Variants in PDE9A observed in about 807,000 individuals in gnomAD.
The protein encoded by PDE9A is high affinity cGMP-specific 3',5'-cyclic phosphodiesterase 9A.
A neutral mutation model predicts 87.4 loss-of-function variants in PDE9A; 60 were observed. The ratio of observed to expected loss-of-function variants is 0.69; its 90% CI spans 0.56 to 0.85. PDE9A has a LOEUF of 0.85. Ranked by LOEUF, PDE9A falls within the 40% of genes least tolerant of loss-of-function variation. The probability of loss-of-function intolerance (pLI) is 0.00; values close to 1 mark genes in which losing one functional copy is unlikely to be tolerated. For synonymous variants in PDE9A, 272 were observed against 279.4 expected (o/e 0.97, Z 0.27); for missense variants, 665 against 779.0 (o/e 0.85, Z 1.74).
chr21:42,754,530 T>C (rs886243878), intron 10 of PDE9A, among the ~76,000 whole-genome samples: 5 of 152,256 alleles, frequency 3.3e-5, no homozygotes, highest in Non-Finnish European at 7.3e-5. Flanking sequence ...TAAGTGGACA[T>C]GTGGGATTCC....
intron 1 of PDE9A, among the ~76,000 whole-genome samples, chr21:42,664,237 G>A (rs778053187): frequency 4.6e-5 from 7 of 152,260 alleles, no homozygotes; most frequent in African/African-American, 7.2e-5. Flanking sequence ...GTTCGGCTCA[G>A]TGGGCAATGG....
intron 4 of PDE9A, among the ~76,000 whole-genome samples, chr21:42,707,214 C>T (rs2048916426): frequency 1.3e-5 from 2 of 152,160 alleles, no homozygotes; most frequent in Non-Finnish European, 2.9e-5. Context: ...AGGGGAGGGC[C>T]TGAGAGAAGT....
At chr21:42,733,747 TG>T (rs1361265695) in intron 7 of PDE9A, 1 of 348,052 alleles carries the variant, frequency 2.9e-6, no homozygotes, top group Non-Finnish European at 5.3e-6. Flanking sequence ...TGTCTTTTTG[TG>T]TGTAAATGAA....
At chr21:42,740,485 T>C (rs1261257803) in intron 7 of PDE9A, among the ~76,000 whole-genome samples, 1 of 150,382 alleles carries the variant, frequency 6.6e-6, no homozygotes, top group Non-Finnish European at 1.5e-5. Flanking sequence ...GGTAGATACA[T>C]AGAATGGGTG....
intron 10 of PDE9A, chr21:42,757,881 C>T (rs986627078): frequency 6.6e-6 from 1 of 152,318 alleles, no homozygotes; most frequent in Non-Finnish European, 1.5e-5. Context: ...GGCCCCGTCT[C>T]CAAATAGCCC....
intron 1 of PDE9A, among the ~76,000 whole-genome samples, chr21:42,677,004 A>G (rs2058878529): frequency 1.3e-5 from 2 of 152,168 alleles, no homozygotes; most frequent in African/African-American, 2.4e-5. Context: ...CTCATTAACC[A>G]GCTGCCCTTG....
In PDE9A at chr21:42,653,746, C is replaced by A. The variant is rs914471938; in HGVS notation, c.-69C>A. On this transcript the variant is annotated 5_prime_UTR_variant, in exon 1 of 20. Coordinates refer to ENST00000291539, the MANE Select transcript of PDE9A (RefSeq NM_002606.3). The stretch of plus-strand genomic sequence containing the variant: ...CCCGCCCCCTCCCCTGCTCCCCTCC[C>A]CCGCCTCCCGCGGCGGCTGGCGTCG... The A allele has an allele frequency of 1.1e-4, 93 of 877,862 alleles. No homozygotes were observed. The African/African-American group carries it at 1.5e-3, about 14-fold the overall frequency. The allele number at this position is 877,862 out of a possible 1,614,324, so 54.4% of individuals were successfully genotyped here. A position where few individuals can be genotyped will look rare whatever the true frequency, so the allele number is the denominator to read the frequency against.
At chr21:42,754,399 C>T (rs537344463) in intron 10 of PDE9A, among the ~76,000 whole-genome samples, 14 of 152,128 alleles carry the variant, frequency 9.2e-5, no homozygotes, top group Admixed American at 2.0e-4. Flanking sequence ...GTGGCAGCCC[C>T]GTGCTGCAGA....
At chr21:42,684,005 C>T (rs1346483774) in intron 1 of PDE9A, among the ~76,000 whole-genome samples, 1 of 152,208 alleles carries the variant, frequency 6.6e-6, no homozygotes, top group African/African-American at 2.4e-5. Flanking sequence ...CAGGACCACC[C>T]CGCTCATCTG....
At chr21:42,701,556 C>T (rs1466101420) in intron 4 of PDE9A, among the ~76,000 whole-genome samples, 4 of 152,104 alleles carry the variant, frequency 2.6e-5, no homozygotes, top group East Asian at 1.9e-4. Flanking sequence ...CCCTCCTCAG[C>T]CTCCCAAGTA....
chr21:42,680,790 T>C (rs1206736300), intron 1 of PDE9A, among the ~76,000 whole-genome samples: 1 of 152,188 alleles, frequency 6.6e-6, no homozygotes, highest in African/African-American at 2.4e-5. Flanking sequence ...TTCCCGCCTT[T>C]CTGAAGGTCA....
Position 42,653,885 on chromosome 21 carries a change from T to C in PDE9A, c.69+2T>C. Reference sequence around the variant, plus strand: ...GACATCGATGGACGCATTCAGAAGGTAGCCCCTCCCCCACCCAGACACCCC... The same window carrying C: ...GACATCGATGGACGCATTCAGAAGGCAGCCCCTCCCCCACCCAGACACCCC... On this transcript the variant is annotated splice_donor_variant, in intron 1 of 19. Transcript: ENST00000291539. LOFTEE classifies it high-confidence loss of function. The C allele has an allele frequency of 6.5e-7, 1 of 1,534,144 alleles. No individual in the cohort carries two copies. The highest frequency in any genetic ancestry group is 8.8e-7 in the Non-Finnish European group (1 of 1,133,382).
chr21:42,670,481 C>G (rs2058459920), intron 1 of PDE9A, among the ~76,000 whole-genome samples: 1 of 151,118 alleles, frequency 6.6e-6, no homozygotes. Context: ...GACTTACACA[C>G]ATACACTTAC....
intron 17 of PDE9A, among the ~76,000 whole-genome samples, chr21:42,769,829 G>A (rs1029462090): frequency 1.3e-5 from 2 of 152,006 alleles, no homozygotes; most frequent in East Asian, 1.9e-4. Context: ...CCTCTTCCCC[G>A]GCTGTCGTGG....
At chr21:42,731,020 C>T (rs1255167445) in intron 4 of PDE9A, among the ~76,000 whole-genome samples, 3 of 152,172 alleles carry the variant, frequency 2.0e-5, no homozygotes, top group African/African-American at 4.8e-5. Flanking sequence ...TGCAATGGCA[C>T]GATCTCAGCT....
chr21:42,727,487 C>CTCTT (rs778143956), intron 4 of PDE9A, among the ~76,000 whole-genome samples: 2 of 71,992 alleles, frequency 2.8e-5, no homozygotes, highest in Non-Finnish European at 5.0e-5. Context: ...CCACGCCTGG[C>CTCTT]TATTTTTTTT....
rs181595166 is a variant in PDE9A, at chr21:42,759,344, A to G, written c.897+259A>G. 1.2e-3 allele frequency among the ~76,000 whole-genome samples: 185 copies of G among 152,122 alleles called. No homozygotes were observed. Among genetic ancestry groups the G allele is most frequent in the Non-Finnish European group, 4.6e-4 (31 of 67,982 alleles). On this transcript the variant is annotated intron_variant, in intron 11 of 19. Transcript: ENST00000291539. The surrounding 1 kb of genome is among the most constrained non-coding windows in gnomAD (Gnocchi z 7.2). Reference sequence around the variant, plus strand: ...TATCAGTGAGACTCTGCCATCATCAAGCAAAGCAGCATGTCCTAAAGCAGC... The same window carrying G: ...TATCAGTGAGACTCTGCCATCATCAGGCAAAGCAGCATGTCCTAAAGCAGC...
In PDE9A at chr21:42,695,834, T is replaced by C. The variant is rs909925832; in HGVS notation, c.219-3134T>C. 7.9e-5 allele frequency among the ~76,000 whole-genome samples: 12 copies of C among 152,318 alleles called. No homozygotes were observed. Among genetic ancestry groups the C allele is most frequent in the Non-Finnish European group, 8.8e-5 (6 of 68,016 alleles). ...TGAGCATGATGAAGATTCAGCTCCA[T>C]TGAGACTGAGCCAAGAGTTGACTCA... is the stretch of plus-strand genomic sequence containing the variant. On this transcript the variant is annotated intron_variant, in intron 3 of 19. Transcript: ENST00000291539. This position sits in a 1 kb window ranked among gnomAD's most constrained non-coding sequence, Gnocchi z 4.3.
rs148345844 is a variant in PDE9A, at chr21:42,737,826, A to G, written c.568+4400A>G. Among the ~76,000 whole-genome samples, 1,089 of 152,312 alleles carry G rather than the reference A, an allele frequency of 7.1e-3. 17 individuals are homozygous for G. Among genetic ancestry groups the G allele is most frequent in the African/African-American group, 0.025 (1,046 of 41,562 alleles). ...ACTGGCCACCTTAAGGCCATATTAT[A>G]TTGTGGTGGACTTGTCTTAAATGGA... On this transcript the variant is annotated intron_variant, in intron 7 of 19. Transcript: ENST00000291539.
Sources: allele counts gnomAD v4.1 joint callset (sites outside exome capture counted in the v4.1 genomes callset), GRCh38; gene constraint gnomAD v4.1.1; non-coding constraint Gnocchi (gnomAD v3.1); transcripts MANE v1.5; gene names NCBI Gene and HGNC (gene_info 2026-07-23, HGNC 2026-07-21).